The following CARD6 variants were observed in gnomAD, a reference collection of about 807,000 sequenced individuals.
The protein encoded by CARD6 is caspase recruitment domain family member 6, also known as caspase recruitment domain-containing protein 6.
CARD6 carries 27 observed loss-of-function variants against 23.6 expected under a neutral mutation model. The ratio of observed to expected loss-of-function variants is 1.14; its 90% confidence interval spans 0.84 to 1.58. The LOEUF (loss-of-function observed/expected upper bound fraction) is 1.58. CARD6 is among the 40% of genes most tolerant of loss of function. The pLI, the probability that CARD6 is intolerant of heterozygous loss-of-function variation, is 0.00. For missense variants in CARD6, 1,214 were observed against 1,209.9 expected (o/e 1.00, Z -0.05); for synonymous variants, 397 against 431.8 (o/e 0.92, Z 1.00).
In CARD6 at chr5:40,844,229, A is replaced by T. The variant is rs1054522585; in HGVS notation, c.841+520A>T. ...GAATTATATTTGTATCTTGAATCTG[A>T]ATATTTCTTTATTTAAAAAAAATTT... On this transcript the variant is annotated intron_variant, in intron 2 of 2. Coordinates refer to ENST00000254691, the MANE Select transcript of CARD6 (RefSeq NM_032587.4). Among the ~76,000 whole-genome samples the T allele has an allele frequency of 2.6e-5, 4 of 152,240 alleles. No homozygotes were observed. In the East Asian group the frequency reaches 7.7e-4, roughly 29 times the overall value.
Position 40,852,605 on chromosome 5 carries a change from A to G in CARD6, c.1273A>G (p.Lys425Glu), listed in dbSNP as rs572093435. 1.2e-5 allele frequency: 20 copies of G among 1,614,182 alleles called. No homozygotes were observed. The East Asian group carries it at 3.3e-4, about 27-fold the overall frequency. ...NKSILMLGAM[K>E]DIVKKQSTQF... ...AAGCATCTTAATGCTGGGGGCCATG[A>G]AAGACATTGTGAAGAAGCAGTCAAC... The change falls in exon 3 of 3, where the codon AAA becomes GAA. Residue 425 changes from lysine (K) to glutamate (E), a missense_variant. Lys to Glu is a moderately conservative substitution (Grantham distance 56, BLOSUM62 1). Transcript: ENST00000254691.
chr5:40,852,158 A>G lies in CARD6; in HGVS notation c.842-16A>G, dbSNP rs1444717447. On this transcript the variant is annotated splice_polypyrimidine_tract_variant and intron_variant, in intron 2 of 2. Coordinates refer to ENST00000254691, the MANE Select transcript of CARD6 (RefSeq NM_032587.4). ...AACTCTGAACATGGCATTCACTATT[A>G]TCTTCTCTCCTACAGAAAGAAAAAA... 2.0e-6 allele frequency: 3 copies of G among 1,512,168 alleles called. No homozygotes were observed. The highest frequency in any genetic ancestry group is 2.7e-6 in the Non-Finnish European group (3 of 1,101,908). 93.7% of individuals were successfully genotyped at this position (1,512,168 alleles called of 1,614,324 possible). A position where few individuals can be genotyped will look rare whatever the true frequency, so the allele number is the denominator to read the frequency against.
rs566225791 is a variant in CARD6, at chr5:40,853,569, C to T, written c.2237C>T (p.Ser746Phe). 41 of 1,614,186 alleles carry T rather than the reference C, an allele frequency of 2.5e-5. No individual in the cohort carries two copies. In the South Asian group the frequency reaches 4.3e-4, roughly 17 times the overall value. Residue 746 changes from serine to phenylalanine, a missense_variant, in exon 3 of 3, where the codon TCC becomes TTC. By Grantham distance (155) the Ser-to-Phe change is radical (BLOSUM62 -2). Coordinates refer to ENST00000254691, the MANE Select transcript of CARD6 (RefSeq NM_032587.4). ...TRIGGNFNHV[S>F]LKASWVMGRP... Reference sequence around the variant, plus strand: ...ATTGGAGGTAACTTTAACCATGTTTCCTTGAAAGCCTCCTGGGTTATGGGC... The same window carrying T: ...ATTGGAGGTAACTTTAACCATGTTTTCTTGAAAGCCTCCTGGGTTATGGGC...
Position 40,843,653 on chromosome 5 carries a change from A to G in CARD6, c.785A>G (p.Tyr262Cys), listed in dbSNP as rs1025353387. The change falls in exon 2 of 3, where the codon TAT (tyrosine) becomes TGT (cysteine). Residue 262 changes from tyrosine (Y) to cysteine (C), a missense_variant. Tyr to Cys is a radical substitution (Grantham distance 194, BLOSUM62 -2). Coordinates refer to ENST00000254691, the MANE Select transcript of CARD6 (RefSeq NM_032587.4). Reference protein sequence around the residue: ...TTEFSGEEPSYEGSETSLSLE... With the variant: ...TTEFSGEEPSCEGSETSLSLE... Reference sequence around the variant, plus strand: ...GAGTTCTCTGGTGAAGAACCAAGTTATGAGGGATCAGAAACCAGCCTTTCA... The same window carrying G: ...GAGTTCTCTGGTGAAGAACCAAGTTGTGAGGGATCAGAAACCAGCCTTTCA... 2.5e-6 allele frequency: 4 copies of G among 1,571,654 alleles called. No homozygotes were observed. The African/African-American group carries it at 5.5e-5, about 22-fold the overall frequency.
rs1408601117 is a variant in CARD6 at position 40,853,445 on chromosome 5, C to G, written c.2113C>G (p.Pro705Ala). The G allele has an allele frequency of 1.9e-6, 3 of 1,614,066 alleles. No individual in the cohort carries two copies. The highest frequency in any genetic ancestry group is 2.5e-6 in the Non-Finnish European group (3 of 1,180,050). Residue 705 changes from proline (P) to alanine (A), a missense_variant, in exon 3 of 3, where the codon CCT becomes GCT. Physicochemically the swap from Pro to Ala is conservative, Grantham distance 27. Coordinates refer to ENST00000254691, the MANE Select transcript of CARD6 (RefSeq NM_032587.4). ...KSQALMPIQE[P>A]GTQCELSQNL... ...CCAGGCTCTAATGCCAATTCAAGAG[C>G]CTGGGACTCAATGTGAGCTCAGCCA...
rs377069746 is a variant in CARD6 at position 40,853,580 on chromosome 5, T to C, written c.2248T>C (p.Ser750Pro). ...GNFNHVSLKASWVMGRPFGSE... is the reference protein window; with the variant it reads ...GNFNHVSLKAPWVMGRPFGSE... ...CTTTAACCATGTTTCCTTGAAAGCC[T>C]CCTGGGTTATGGGCCGCCCCTTTGG... The change falls in exon 3 of 3, where the codon TCC (serine) becomes CCC (proline). Residue 750 changes from serine (S) to proline (P), a missense_variant. Ser to Pro is a moderately conservative substitution (Grantham distance 74). Transcript: ENST00000254691. 2 of 1,614,058 alleles carry C rather than the reference T, an allele frequency of 1.2e-6. No individual in the cohort carries two copies. Among genetic ancestry groups the C allele is most frequent in the Non-Finnish European group, 1.7e-6 (2 of 1,180,036 alleles).
chr5:40,842,802 C>T (rs1020482742), intron 1 of CARD6, among the ~76,000 whole-genome samples: 1 of 152,152 alleles, frequency 6.6e-6, no homozygotes, highest in Admixed American at 6.5e-5. Context: ...CTTTGGGAGG[C>T]CGGGGCAGAT....
Position 40,854,533 on chromosome 5 carries a change from A to T in CARD6, c.*87A>T. On this transcript the variant is annotated 3_prime_UTR_variant, in exon 3 of 3. Transcript: ENST00000254691. ...AAGCAGAAGAGTTGCCATGAAAGTA[A>T]AAGACTACTGTCATTAGCATGTAAA... 9.9e-7 allele frequency: 1 copy of T among 1,013,562 alleles called. No individual in the cohort carries two copies. The highest frequency in any genetic ancestry group is 1.5e-6 in the Non-Finnish European group (1 of 672,046). 62.8% of individuals were successfully genotyped at this position (1,013,562 alleles called of 1,614,324 possible).
intron 2 of CARD6, among the ~76,000 whole-genome samples, chr5:40,848,814 T>C (rs1688033507): frequency 6.6e-6 from 1 of 152,176 alleles, no homozygotes; most frequent in South Asian, 2.1e-4. Context: ...AGCTGAGTTA[T>C]TTTTATGAAT....
intron 2 of CARD6, among the ~76,000 whole-genome samples, chr5:40,847,415 T>A (rs554124160): frequency 3.3e-4 from 50 of 152,328 alleles, no homozygotes; most frequent in African/African-American, 1.2e-3. Flanking sequence ...AACCAATATG[T>A]TTACCTTTCC....
rs1215371274 is a variant in CARD6 at position 40,854,438 on chromosome 5, A to T, written c.3106A>T (p.Lys1036Ter). The T allele has an allele frequency of 2.5e-6, 4 of 1,611,774 alleles. No homozygotes were observed. Among genetic ancestry groups the T allele is most frequent in the Non-Finnish European group, 3.4e-6 (4 of 1,178,072 alleles). The change falls in exon 3 of 3, where the codon AAG becomes TAG. Residue 1036 changes from lysine to a stop codon, truncating the protein, a stop_gained. Coordinates refer to ENST00000254691, the MANE Select transcript of CARD6 (RefSeq NM_032587.4). LOFTEE classifies it high-confidence loss of function. ...AAAAGCAGGGCAGAAGAGGGGAGGG[A>T]AGCATTAAAGAGCTAACTCCAGAGA... ...HSKAGQKRGGKH is the reference protein window; with the variant it reads ...HSKAGQKRGG
In CARD6 at chr5:40,852,810, T is replaced by C. The variant is rs866964188; in HGVS notation, c.1478T>C (p.Leu493Pro). The change falls in exon 3 of 3, where the codon CTT becomes CCT. Residue 493 changes from leucine to proline, a missense_variant. Transcript: ENST00000254691. ...HKIFLHQDLP[L>P]LVLPRQISDG... Reference sequence around the variant, plus strand: ...ATCTTTCTTCATCAAGATTTGCCTCTTTTGGTGCTTCCCCGGCAAATCTCT... The same window carrying C: ...ATCTTTCTTCATCAAGATTTGCCTCCTTTGGTGCTTCCCCGGCAAATCTCT... 1.9e-6 allele frequency: 3 copies of C among 1,614,078 alleles called. No homozygotes were observed. The Admixed American group carries it at 5.0e-5, about 27-fold the overall frequency.
At position 40,852,269 on chromosome 5, in the gene CARD6, C is replaced by G; in HGVS notation, c.937C>G (p.Arg313Gly). ...TTTTGTTAAACAATTCTCCTTAGATCGAGGATGTAAGTGGACCCCTGAGAG... is the reference window on the plus strand; with the variant it reads ...TTTTGTTAAACAATTCTCCTTAGATGGAGGATGTAAGTGGACCCCTGAGAG... ...PDFVKQFSLDRGCKWTPESPG... is the reference protein window; with the variant it reads ...PDFVKQFSLDGGCKWTPESPG... Residue 313 changes from arginine to glycine, a missense_variant, in exon 3 of 3, where the codon CGA (arginine) becomes GGA (glycine). Arg to Gly is a moderately radical substitution (Grantham distance 125, BLOSUM62 -2). Transcript: ENST00000254691. 1 of 1,614,044 alleles carries G rather than the reference C, an allele frequency of 6.2e-7. No homozygotes were observed. Among genetic ancestry groups the G allele is most frequent in the Non-Finnish European group, 8.5e-7 (1 of 1,179,964 alleles).
At chr5:40,844,624 T>A (rs1433926295) in intron 2 of CARD6, among the ~76,000 whole-genome samples, 1 of 152,158 alleles carries the variant, frequency 6.6e-6, no homozygotes, top group Non-Finnish European at 1.5e-5. Context: ...AAGTTCTGAG[T>A]AGAGGATGAA....
chr5:40,854,300 A>C lies in CARD6; in HGVS notation c.2968A>C (p.Thr990Pro). 1.2e-6 allele frequency: 2 copies of C among 1,613,974 alleles called. No homozygotes were observed. The highest frequency in any genetic ancestry group is 1.7e-6 in the Non-Finnish European group (2 of 1,179,986). Residue 990 changes from threonine to proline, a missense_variant, in exon 3 of 3, where the codon ACT becomes CCT. Transcript: ENST00000254691. Reference protein sequence around the residue: ...SQTKPSPCKSTQPKPSQPWPP... With the variant: ...SQTKPSPCKSPQPKPSQPWPP... ...AACTAAACCTTCTCCATGCAAATCTACTCAGCCTAAGCCAAGCCAGCCCTG... is the reference window on the plus strand; with the variant it reads ...AACTAAACCTTCTCCATGCAAATCTCCTCAGCCTAAGCCAAGCCAGCCCTG...
At position 40,852,693 on chromosome 5, in the gene CARD6, T is replaced by C. The variant is rs755646040; in HGVS notation, c.1361T>C (p.Val454Ala). 6.2e-7 allele frequency: 1 copy of C among 1,614,158 alleles called. No individual in the cohort carries two copies. Among genetic ancestry groups the C allele is most frequent in the South Asian group, 1.1e-5 (1 of 91,076 alleles). The change falls in exon 3 of 3, where the codon GTC becomes GCC. Residue 454 changes from valine to alanine, a missense_variant. Transcript: ENST00000254691. The part of the protein sequence containing the change: ...EKFLTLMKMP[V>A]ISFVRLGYCS... ...TTTCTGACTCTCATGAAGATGCCTG[T>C]CATCTCTTTTGTGCGTCTAGGATAC... is the stretch of plus-strand genomic sequence containing the variant.
At chr5:40,850,286 C>T (rs1449325774) in intron 2 of CARD6, among the ~76,000 whole-genome samples, 5 of 151,252 alleles carry the variant, frequency 3.3e-5, no homozygotes, top group Non-Finnish European at 4.4e-5. Flanking sequence ...TGGTGGCACC[C>T]GCATATGGTC....
At chr5:40,846,237 T>C (rs1430437590) in intron 2 of CARD6, among the ~76,000 whole-genome samples, 1 of 152,048 alleles carries the variant, frequency 6.6e-6, no homozygotes, top group Non-Finnish European at 1.5e-5. Context: ...GGTCTCGAAC[T>C]CTTGACCTCA....
At chr5:40,845,574 T>G (rs1276769166) in intron 2 of CARD6, among the ~76,000 whole-genome samples, 2 of 152,188 alleles carry the variant, frequency 1.3e-5, no homozygotes, top group African/African-American at 4.8e-5. Context: ...TTTTAGTTGG[T>G]GCATAGGGTT....
Sources: gnomAD v4.1 joint callset for allele counts (sites outside exome capture counted in the v4.1 genomes callset) on GRCh38, gnomAD v4.1.1 for gene constraint, MANE v1.5 for transcripts, NCBI Gene and HGNC (gene_info 2026-07-23, HGNC 2026-07-21) for gene names.